PTPRD: variants seen among roughly 807,000 people sequenced by gnomAD.
PTPRD encodes protein tyrosine phosphatase receptor type D.
PTPRD carries 34 observed loss-of-function variants against 214.5 expected under a neutral mutation model. The ratio of observed to expected loss-of-function variants is 0.16; its 90% confidence interval spans 0.12 to 0.21. The LOEUF is 0.21. Among genes scored for constraint, PTPRD ranks in the 10% least tolerant of loss-of-function variants. PTPRD has a pLI of 1.00. For synonymous variants in PTPRD, 1,128 were observed against 845.7 expected (o/e 1.33, Z -5.79); for missense variants, 2,545 against 2,398.7 (o/e 1.06, Z -1.27).
At chr9:8,364,964 A>G (rs2079441530) in intron 39 of PTPRD, among the ~76,000 whole-genome samples, 1 of 152,160 alleles carries the variant, frequency 6.6e-6, no homozygotes, top group Non-Finnish European at 1.5e-5. Context: ...TAATGCATCT[A>G]GAAAATGTTA....
intron 9 of PTPRD, among the ~76,000 whole-genome samples, chr9:9,202,906 C>T (rs892093728): frequency 6.6e-6 from 1 of 152,100 alleles, no homozygotes. Context: ...AGGTCACTGT[C>T]TTTAGACATG....
intron 5 of PTPRD, among the ~76,000 whole-genome samples, chr9:9,769,944 C>T (rs570552299): frequency 2.6e-5 from 4 of 152,184 alleles, no homozygotes; most frequent in South Asian, 2.1e-4. Context: ...TGAACTCATT[C>T]TTTTTATGGC....
intron 7 of PTPRD, among the ~76,000 whole-genome samples, chr9:9,734,322 T>A (rs1020791984): frequency 6.6e-6 from 1 of 152,150 alleles, no homozygotes; most frequent in Admixed American, 6.6e-5. Flanking sequence ...TGAAGTTGAA[T>A]CTCCAAGAAG....
At chr9:8,543,844 C>A (rs183171494) in intron 14 of PTPRD, among the ~76,000 whole-genome samples, 2 of 151,878 alleles carry the variant, frequency 1.3e-5, no homozygotes, top group East Asian at 2.0e-4. Context: ...TCCCGAGTAG[C>A]TGGACTACAG....
rs558649183 is a variant in PTPRD, at chr9:10,143,479, A to G, written c.-544-109689T>C. On this transcript the variant is annotated intron_variant, in intron 3 of 45. Coordinates refer to ENST00000381196, the MANE Select transcript of PTPRD (RefSeq NM_002839.4). ...GTTGGTGGGGATCTAACTTAGTTCA[A>G]CCACCATGGAGAGCAGTCTGGAAAT... Among the ~76,000 whole-genome samples, 11 of 152,126 alleles carry G rather than the reference A, an allele frequency of 7.2e-5. No homozygotes were observed. In the South Asian group the frequency reaches 1.9e-3, roughly 26 times the overall value.
chr9:10,201,370 CA>C lies in PTPRD; in HGVS notation c.-545+139592del, dbSNP rs202145357. Among the ~76,000 whole-genome samples, 1,444 of 151,870 alleles carry C rather than the reference CA, an allele frequency of 9.5e-3. 90 individuals carry two copies. Among genetic ancestry groups the C allele is most frequent in the Admixed American group, 0.089 (1,349 of 15,206 alleles). Reference sequence around the variant, plus strand: ...TTTCAAAATTTGAAAAAAATCTATCCAAATGTAAATTGGCATACTTAAAGTC... The same window carrying C: ...TTTCAAAATTTGAAAAAAATCTATCCAATGTAAATTGGCATACTTAAAGTC... On this transcript the variant is annotated intron_variant, in intron 3 of 45. Coordinates refer to ENST00000381196, the MANE Select transcript of PTPRD (RefSeq NM_002839.4).
intron 10 of PTPRD, among the ~76,000 whole-genome samples, chr9:9,175,398 G>T (rs539810573): frequency 1.4e-4 from 22 of 151,992 alleles, no homozygotes; most frequent in Non-Finnish European, 2.9e-4. Context: ...CAAGGCAGGT[G>T]GATCACGAGG....
chr9:10,558,456 C>A (rs994925210), intron 2 of PTPRD, among the ~76,000 whole-genome samples: 4 of 152,086 alleles, frequency 2.6e-5, no homozygotes, highest in Non-Finnish European at 4.4e-5. Context: ...TACCTTCATA[C>A]ACATTTCATC....
intron 12 of PTPRD, among the ~76,000 whole-genome samples, chr9:8,639,077 G>A (rs1031914377): frequency 8.5e-5 from 13 of 152,066 alleles, no homozygotes; most frequent in African/African-American, 2.7e-4. Flanking sequence ...TCGTCACCTC[G>A]TGATCCACCT....
At chr9:10,466,914 G>A (rs1390264986) in intron 2 of PTPRD, among the ~76,000 whole-genome samples, 1 of 152,162 alleles carries the variant, frequency 6.6e-6, no homozygotes, top group Non-Finnish European at 1.5e-5. Flanking sequence ...TTGCCACCAA[G>A]CAGGTGTGAG....
chr9:9,015,910 A>G (rs1239469700), intron 11 of PTPRD, among the ~76,000 whole-genome samples: 2 of 152,080 alleles, frequency 1.3e-5, no homozygotes, highest in Admixed American at 1.3e-4. Context: ...GTTGTTATGG[A>G]GGTGAGGAAT....
chr9:9,681,440 C>T (rs1477140407), intron 7 of PTPRD, among the ~76,000 whole-genome samples: 1 of 151,520 alleles, frequency 6.6e-6, no homozygotes, highest in Non-Finnish European at 1.5e-5. Flanking sequence ...TAAATATTGG[C>T]CCCAAGCAAT....
At chr9:8,459,744 C>T (rs1238879064) in intron 33 of PTPRD, among the ~76,000 whole-genome samples, 1 of 152,194 alleles carries the variant, frequency 6.6e-6, no homozygotes, top group Non-Finnish European at 1.5e-5. Context: ...CAAATCAACA[C>T]ATGGGCATAA....
intron 2 of PTPRD, among the ~76,000 whole-genome samples, chr9:10,588,427 TACAC>T (rs3076471): frequency 0.011 from 1,685 of 146,692 alleles, 33 homozygotes; most frequent in African/African-American, 0.038. Context: ...TGGCTTATTG[TACAC>T]ACACACACAC....
chr9:8,561,750 G>GA (rs1229201207), intron 14 of PTPRD, among the ~76,000 whole-genome samples: 3 of 137,144 alleles, frequency 2.2e-5, no homozygotes, highest in African/African-American at 3.2e-5. Flanking sequence ...AGGATCCTTG[G>GA]ATTTTTTTTT....
In PTPRD at chr9:8,518,007, G is replaced by A. The variant is rs1303346936; in HGVS notation, c.1384C>T (p.His462Tyr). The change falls in exon 21 of 46, where the codon CAT becomes TAT. Residue 462 changes from histidine (H) to tyrosine (Y), a missense_variant. Physicochemically the swap from His to Tyr is moderately conservative, Grantham distance 83. Transcript: ENST00000381196. ...TTGTGTTTCATCCAGTTGTTGACAT[G>A]TTGAGTGGGATCCATTGTATAATAA... ...RVYYTMDPTQ[H>Y]VNNWMKHNVA... 8 of 1,614,052 alleles carry A rather than the reference G, an allele frequency of 5.0e-6. No individual in the cohort carries two copies. The highest frequency in any genetic ancestry group is 6.8e-6 in the Non-Finnish European group (8 of 1,180,020).
intron 5 of PTPRD, among the ~76,000 whole-genome samples, chr9:9,814,831 A>C (rs1279688763): frequency 7.8e-6 from 1 of 128,308 alleles, no homozygotes; most frequent in Admixed American, 9.6e-5. Flanking sequence ...ACAGAATTTC[A>C]CTCTGTCACA....
chr9:8,600,091 C>T (rs1206856948), intron 14 of PTPRD, among the ~76,000 whole-genome samples: 1 of 152,200 alleles, frequency 6.6e-6, no homozygotes, highest in Non-Finnish European at 1.5e-5. Flanking sequence ...AATCTATGTG[C>T]TTGGGATGGG....
intron 12 of PTPRD, among the ~76,000 whole-genome samples, chr9:8,690,152 A>C (rs2097773083): frequency 6.6e-6 from 1 of 151,954 alleles, no homozygotes; most frequent in African/African-American, 2.4e-5. Flanking sequence ...CTCTCCTAAC[A>C]ATTCTAACTC....
Sources: gnomAD v4.1 joint callset for allele counts (sites outside exome capture counted in the v4.1 genomes callset) on GRCh38, gnomAD v4.1.1 for gene constraint, MANE v1.5 for transcripts, NCBI Gene and HGNC (gene_info 2026-07-23, HGNC 2026-07-21) for gene names.